Variants in DPP10 observed in about 807,000 individuals in gnomAD.
The protein encoded by DPP10 is inactive dipeptidyl peptidase 10.
A neutral mutation model predicts 120.9 loss-of-function variants in DPP10; 33 were observed. The observed-to-expected ratio is 0.27, with a 90% CI of 0.21 to 0.37. The LOEUF (loss-of-function observed/expected upper bound fraction) is 0.37, where lower values mean the gene tolerates loss of function less well. Among genes scored for constraint, DPP10 ranks in the 10% least tolerant of loss-of-function variants. The pLI, the probability that DPP10 is intolerant of heterozygous loss-of-function variation, is 1.00. For missense variants in DPP10, 816 were observed against 942.8 expected, an observed-to-expected ratio of 0.87 and a Z score of 1.76; for synonymous variants, 337 against 326.1, an observed-to-expected ratio of 1.03 and a Z score of -0.36.
intron 1 of DPP10, among the ~76,000 whole-genome samples, chr2:114,856,852 C>A (rs1245210851): frequency 6.6e-6 from 1 of 152,108 alleles, no homozygotes; most frequent in Non-Finnish European, 1.5e-5. Context: ...TTCTATACTT[C>A]AAAGTTCAAA....
At chr2:114,828,250 G>A (rs986294589) in intron 1 of DPP10, among the ~76,000 whole-genome samples, 16 of 152,094 alleles carry the variant, frequency 1.1e-4, no homozygotes, top group Non-Finnish European at 2.1e-4. Flanking sequence ...TCTGATAATG[G>A]GTAGATGTTC....
intron 1 of DPP10, among the ~76,000 whole-genome samples, chr2:114,681,273 T>A (rs59792744): frequency 0.017 from 2,543 of 152,050 alleles, 91 homozygotes; most frequent in African/African-American, 0.058. Flanking sequence ...TACGTTTTGC[T>A]TTACCAGTGA....
chr2:115,243,551 T>C (rs1297812637), intron 1 of DPP10, among the ~76,000 whole-genome samples: 1 of 152,196 alleles, frequency 6.6e-6, no homozygotes, highest in Non-Finnish European at 1.5e-5. Context: ...AGTTATTTGC[T>C]AAAGAGTTTT....
Position 114,727,124 on chromosome 2 carries a change from C to T in DPP10, c.60+284286C>T, listed in dbSNP as rs138117287. On this transcript the variant is annotated intron_variant, in intron 1 of 25. Transcript: ENST00000410059. ...TCTTTTTCACTCCTGATAGCAACAG[C>T]GTGCTGTTGGCCTGGAGCTTGATTT... Among the ~76,000 whole-genome samples the T allele has an allele frequency of 5.2e-3, 789 of 152,250 alleles. 3 individuals are homozygous for T. The highest frequency in any genetic ancestry group is 0.018 in the African/African-American group (751 of 41,542).
chr2:115,557,856 A>G (rs1470819430), intron 5 of DPP10, among the ~76,000 whole-genome samples: 1 of 152,180 alleles, frequency 6.6e-6, no homozygotes, highest in African/African-American at 2.4e-5. Flanking sequence ...TTGGGATTTT[A>G]TTTATTGTGA....
At chr2:114,811,206 A>T (rs113724156) in intron 1 of DPP10, among the ~76,000 whole-genome samples, 16 of 152,314 alleles carry the variant, frequency 1.1e-4, no homozygotes, top group African/African-American at 3.6e-4. Flanking sequence ...AGATTTCAAC[A>T]GACTGGAGTA....
At chr2:115,199,288 A>G (rs1469143974) in intron 1 of DPP10, among the ~76,000 whole-genome samples, 3 of 149,310 alleles carry the variant, frequency 2.0e-5, no homozygotes, top group African/African-American at 7.3e-5. Flanking sequence ...CATATTATGT[A>G]TGCATTTTTT....
chr2:115,540,498 A>G (rs1294437446), intron 5 of DPP10, among the ~76,000 whole-genome samples: 2 of 151,866 alleles, frequency 1.3e-5, no homozygotes, highest in African/African-American at 4.8e-5. Flanking sequence ...CATCTTCCTA[A>G]TTCCTTTTCA....
chr2:115,040,392 A>G, intron 1 of DPP10, among the ~76,000 whole-genome samples: 1 of 152,282 alleles, frequency 6.6e-6, no homozygotes, highest in East Asian at 1.9e-4. Context: ...AAAAAAATAA[A>G]TATTTCTAAA....
intron 1 of DPP10, among the ~76,000 whole-genome samples, chr2:114,823,018 T>A (rs9308703): frequency 0.053 from 8,139 of 152,292 alleles, 698 homozygotes; most frequent in African/African-American, 0.19. Flanking sequence ...ACCCTCTGCC[T>A]GTTATCCAGT....
intron 17 of DPP10, among the ~76,000 whole-genome samples, chr2:115,788,073 T>G (rs1437483326): frequency 6.6e-6 from 1 of 152,170 alleles, no homozygotes; most frequent in Non-Finnish European, 1.5e-5. Flanking sequence ...TCAAACTTGC[T>G]CTTCTAAATA....
At chr2:115,807,828 G>T (rs189791761) in intron 19 of DPP10, among the ~76,000 whole-genome samples, 1,833 of 145,562 alleles carry the variant, frequency 0.013, 34 homozygotes, top group African/African-American at 0.047. Flanking sequence ...TATATGTTTG[G>T]GTTTTTTTTA....
chr2:114,967,807 CATTATT>C (rs1033179863), intron 1 of DPP10, among the ~76,000 whole-genome samples: 1 of 151,464 alleles, frequency 6.6e-6, no homozygotes, highest in African/African-American at 2.4e-5. Flanking sequence ...TTATCATTAT[CATTATT>C]ATTATTCCCA....
At chr2:115,814,027 G>C (rs748760368) in intron 19 of DPP10, among the ~76,000 whole-genome samples, 2 of 152,038 alleles carry the variant, frequency 1.3e-5, no homozygotes, top group South Asian at 2.1e-4. Context: ...TACTTTTTCT[G>C]TATTCTAGAA....
chr2:115,402,606 A>C (rs1347784618), intron 3 of DPP10, among the ~76,000 whole-genome samples: 1 of 151,528 alleles, frequency 6.6e-6, no homozygotes, highest in South Asian at 2.1e-4. Flanking sequence ...AGAAAACTCA[A>C]TAGAGCAATA....
chr2:115,642,727 A>G (rs773157362), intron 5 of DPP10, among the ~76,000 whole-genome samples: 17 of 151,960 alleles, frequency 1.1e-4, no homozygotes, highest in African/African-American at 1.7e-4. Flanking sequence ...GTTTACATAT[A>G]TGCATATGCA....
chr2:115,207,335 G>T (rs1049989550), intron 1 of DPP10, among the ~76,000 whole-genome samples: 3 of 145,570 alleles, frequency 2.1e-5, no homozygotes, highest in Non-Finnish European at 3.0e-5. Flanking sequence ...GTTTTACTTT[G>T]GTGCAATAGG....
At chr2:114,699,067 G>C (rs770301801) in intron 1 of DPP10, among the ~76,000 whole-genome samples, 3 of 152,080 alleles carry the variant, frequency 2.0e-5, no homozygotes, top group Admixed American at 2.0e-4. Flanking sequence ...CAAACCTGTT[G>C]TTCTATTTGT....
intron 1 of DPP10, among the ~76,000 whole-genome samples, chr2:114,785,841 G>A (rs889178320): frequency 4.6e-5 from 7 of 152,110 alleles, no homozygotes; most frequent in African/African-American, 1.7e-4. Flanking sequence ...AAGTTGCCTT[G>A]AACTATAAAG....
Sources: allele counts gnomAD v4.1 joint callset (sites outside exome capture counted in the v4.1 genomes callset), GRCh38; gene constraint gnomAD v4.1.1; transcripts MANE v1.5; gene names NCBI Gene and HGNC (gene_info 2026-07-23, HGNC 2026-07-21).